Variants in ANKS1B observed in about 807,000 individuals in gnomAD.
The protein encoded by ANKS1B is ankyrin repeat and sterile alpha motif domain-containing protein 1B.
A neutral mutation model predicts 148.3 loss-of-function variants in ANKS1B; 36 were observed. The ratio of observed to expected loss-of-function variants is 0.24; its 90% CI spans 0.19 to 0.32. The LOEUF (loss-of-function observed/expected upper bound fraction) is 0.32. Ranked by LOEUF, ANKS1B falls within the 10% of genes least tolerant of loss-of-function variation. The probability of loss-of-function intolerance (pLI) is 1.00; values close to 1 mark genes in which losing one functional copy is unlikely to be tolerated. For synonymous variants in ANKS1B, 542 were observed against 560.8 expected, an observed-to-expected ratio of 0.97 and a Z score of 0.47; for missense variants, 1,157 against 1,542.6, an observed-to-expected ratio of 0.75 and a Z score of 4.19.
In ANKS1B at chr12:98,807,882, C is replaced by T. The variant is rs546416390; in HGVS notation, c.3103G>A (p.Ala1035Thr). The T allele has an allele frequency of 1.7e-5, 28 of 1,613,136 alleles. 1 individual carries two copies. Among genetic ancestry groups the T allele is most frequent in the Middle Eastern group, 1.6e-4 (1 of 6,078 alleles). ...SVCEIWTNQNAGFPFSAIHQV... is the reference protein window; with the variant it reads ...SVCEIWTNQNTGFPFSAIHQV... ...TGGATCGCTGAGAAAGGAAATCCTG[C>T]GTTCTGATTCGTCCATATTTCACAG... Residue 1035 changes from alanine to threonine, a missense_variant, in exon 20 of 27, where the codon GCA becomes ACA. Ala to Thr is a moderately conservative substitution (Grantham distance 58). This residue lies in a region of ANKS1B where 258 missense variants were observed against 497.0 expected (regional missense o/e 0.52). Transcript: ENST00000683438.
At chr12:99,695,842 T>C (rs1201912422) in intron 8 of ANKS1B, among the ~76,000 whole-genome samples, 1 of 152,166 alleles carries the variant, frequency 6.6e-6, no homozygotes, top group Non-Finnish European at 1.5e-5. Context: ...TGTTTACCTA[T>C]GTAACAAACC....
At chr12:99,703,987 C>A (rs1440280396) in intron 8 of ANKS1B, among the ~76,000 whole-genome samples, 2 of 151,980 alleles carry the variant, frequency 1.3e-5, no homozygotes, top group Non-Finnish European at 2.9e-5. Flanking sequence ...CAAATGATAG[C>A]GTATCAAGAA....
intron 10 of ANKS1B, among the ~76,000 whole-genome samples, chr12:99,495,943 G>A (rs1375723026): frequency 2.0e-5 from 3 of 152,244 alleles, no homozygotes; most frequent in Non-Finnish European, 4.4e-5. Context: ...GTATAGTAGA[G>A]TGTGGATTAT....
In ANKS1B at chr12:99,499,103, A is replaced by G. The variant is rs1223013814; in HGVS notation, c.1438+5373T>C. Among the ~76,000 whole-genome samples, 5 of 152,318 alleles carry G rather than the reference A, an allele frequency of 3.3e-5. 1 individual carries two copies. The East Asian group carries it at 5.8e-4, about 18-fold the overall frequency. On this transcript the variant is annotated intron_variant, in intron 10 of 26. Transcript: ENST00000683438. ...ATGTTGATGCTCTCCTCTACCTGCT[A>G]TGGCGCTTATTGGGGGCAATTCTGT...
intron 11 of ANKS1B, among the ~76,000 whole-genome samples, chr12:99,424,622 A>AACACACACACACACACACACACACACAT (rs200308044): frequency 6.8e-6 from 1 of 147,362 alleles, no homozygotes; most frequent in Admixed American, 6.8e-5. Flanking sequence ...AGGTAGCAGA[A>AACACACACACACACACACACACACACAT]ACACACACAC....
At chr12:99,128,590 G>A (rs1031348325) in intron 15 of ANKS1B, among the ~76,000 whole-genome samples, 2 of 152,186 alleles carry the variant, frequency 1.3e-5, no homozygotes, top group Non-Finnish European at 2.9e-5. Context: ...CCAATAAACA[G>A]AAACTTGTCT....
At chr12:99,075,090 G>A (rs2047412714) in intron 16 of ANKS1B, among the ~76,000 whole-genome samples, 1 of 152,174 alleles carries the variant, frequency 6.6e-6, no homozygotes, top group South Asian at 2.1e-4. Context: ...GGTACAGAAG[G>A]AGATGATGTT....
chr12:99,813,442 AATG>A (rs2068683848), intron 2 of ANKS1B, among the ~76,000 whole-genome samples: 1 of 151,284 alleles, frequency 6.6e-6, no homozygotes, highest in Non-Finnish European at 1.5e-5. Flanking sequence ...ACAAATCACT[AATG>A]GGGAGGGTGA....
At chr12:99,197,126 AGAGATATT>A (rs1293018872) in intron 14 of ANKS1B, among the ~76,000 whole-genome samples, 3 of 152,150 alleles carry the variant, frequency 2.0e-5, no homozygotes, top group Non-Finnish European at 2.9e-5. Flanking sequence ...ATCTGAACGG[AGAGATATT>A]GTACTATGAT....
intron 16 of ANKS1B, among the ~76,000 whole-genome samples, chr12:99,069,221 G>C (rs992125571): frequency 6.6e-6 from 1 of 152,176 alleles, no homozygotes. Context: ...CTCTGAGCCT[G>C]CTGGGTCTCG....
rs560520234 is a variant in ANKS1B at position 99,128,536 on chromosome 12, T to C, written c.2526+25753A>G. Among the ~76,000 whole-genome samples the C allele has an allele frequency of 1.9e-3, 291 of 152,256 alleles. 2 individuals carry two copies. Among genetic ancestry groups the C allele is most frequent in the Non-Finnish European group, 2.9e-3 (194 of 68,030 alleles). On this transcript the variant is annotated intron_variant, in intron 15 of 26. Coordinates refer to ENST00000683438, the MANE Select transcript of ANKS1B (RefSeq NM_001352186.2). ...ATTGAGGTGGAGCCCTTAGCCACAC[T>C]GATGGCTAATTTGAACCTGTTTGAA... is the stretch of plus-strand genomic sequence containing the variant.
At chr12:99,040,137 G>A (rs1598845700) in intron 17 of ANKS1B, among the ~76,000 whole-genome samples, 1 of 152,112 alleles carries the variant, frequency 6.6e-6, no homozygotes, top group African/African-American at 2.4e-5. Flanking sequence ...AATGAAGTAG[G>A]TCTGGCCATG....
intron 18 of ANKS1B, among the ~76,000 whole-genome samples, chr12:98,830,490 G>A (rs764273309): frequency 6.6e-6 from 1 of 152,058 alleles, no homozygotes. Flanking sequence ...AAATCCTTGC[G>A]CATTTTCCTC....
chr12:99,067,570 G>A (rs2044770643), intron 16 of ANKS1B, among the ~76,000 whole-genome samples: 3 of 152,318 alleles, frequency 2.0e-5, no homozygotes, highest in South Asian at 4.1e-4. Flanking sequence ...AAGGGCAGAT[G>A]TCTCATGGTC....
chr12:99,318,613 A>G (rs2084625130), intron 12 of ANKS1B, among the ~76,000 whole-genome samples: 1 of 152,122 alleles, frequency 6.6e-6, no homozygotes, highest in African/African-American at 2.4e-5. Context: ...GATCTTTTCA[A>G]AAAACCAGCT....
At chr12:99,137,526 A>C (rs1386355820) in intron 15 of ANKS1B, among the ~76,000 whole-genome samples, 45 of 152,146 alleles carry the variant, frequency 3.0e-4, no homozygotes, top group Non-Finnish European at 5.9e-5. Flanking sequence ...AGAAATAAAC[A>C]AACCTATCCA....
intron 8 of ANKS1B, among the ~76,000 whole-genome samples, chr12:99,720,195 A>G (rs2057930903): frequency 1.3e-5 from 2 of 152,310 alleles, no homozygotes; most frequent in Admixed American, 1.3e-4. Flanking sequence ...GGGATTGTTC[A>G]GGCCTCCTCC....
intron 15 of ANKS1B, among the ~76,000 whole-genome samples, chr12:99,094,666 T>C (rs947575889): frequency 6.6e-6 from 1 of 151,612 alleles, no homozygotes; most frequent in African/African-American, 2.4e-5. Flanking sequence ...GGCACTGAGG[T>C]GAGGAAAAAG....
chr12:99,501,434 T>C (rs987550425), intron 10 of ANKS1B, among the ~76,000 whole-genome samples: 1 of 152,188 alleles, frequency 6.6e-6, no homozygotes, highest in Non-Finnish European at 1.5e-5. Context: ...TTTAAATGCA[T>C]GAACTGACAT....
Sources: allele counts gnomAD v4.1 joint callset (sites outside exome capture counted in the v4.1 genomes callset), GRCh38; gene constraint gnomAD v4.1.1; regional missense constraint gnomAD v4.1.1; transcripts MANE v1.5; gene names NCBI Gene and HGNC (gene_info 2026-07-23, HGNC 2026-07-21).